Variants in TMEM154 observed in about 807,000 individuals in gnomAD.
The protein encoded by TMEM154 is transmembrane protein 154.
TMEM154 carries 27 observed loss-of-function variants against 24.5 expected under a neutral mutation model. The ratio of observed to expected loss-of-function variants is 1.10; its 90% CI spans 0.81 to 1.52. The LOEUF (loss-of-function observed/expected upper bound fraction) is 1.52. Ranked by LOEUF, TMEM154 falls within the 40% of genes most tolerant of loss-of-function variation. The pLI, the probability that TMEM154 is intolerant of heterozygous loss-of-function variation, is 0.00. For synonymous variants in TMEM154, 67 were observed against 76.8 expected (o/e 0.87, Z 0.67); for missense variants, 228 against 213.4 (o/e 1.07, Z -0.43).
intron 6 of TMEM154, among the ~76,000 whole-genome samples, chr4:152,631,181 T>A (rs1008974577): frequency 6.6e-6 from 1 of 152,210 alleles, no homozygotes; most frequent in Non-Finnish European, 1.5e-5. Context: ...CCCCCTTTCC[T>A]AGAAATTTTT....
intron 1 of TMEM154, among the ~76,000 whole-genome samples, chr4:152,671,763 A>AAG (rs1182678171): frequency 4.0e-5 from 6 of 150,110 alleles, no homozygotes; most frequent in Non-Finnish European, 7.4e-5. Context: ...AAAAAAAAAA[A>AAG]AAAAAGAAAA....
chr4:152,644,281 G>T, intron 4 of TMEM154, 134 bp downstream of exon 4: 1 of 944,364 alleles, frequency 1.1e-6, no homozygotes, highest in Non-Finnish European at 1.7e-6. Flanking sequence ...AGGCTGCCAA[G>T]GATCTCCAAC....
Position 152,618,941 on chromosome 4 carries a change from G to A in TMEM154, c.*9605C>T, listed in dbSNP as rs1751805612. The A allele has an allele frequency of 6.6e-6, 1 of 152,194 alleles. No homozygotes were observed. The highest frequency in any genetic ancestry group is 2.4e-5 in the African/African-American group (1 of 41,444). 9.4% of individuals were successfully genotyped at this position (152,194 alleles called of 1,614,324 possible). On this transcript the variant is annotated 3_prime_UTR_variant, in exon 7 of 7. Transcript: ENST00000304385. Reference sequence around the variant, plus strand: ...GGAAGATGAACAATACCATATTTGAGTTCTGCACTCACTGATGATAAAGAC... The same window carrying A: ...GGAAGATGAACAATACCATATTTGAATTCTGCACTCACTGATGATAAAGAC...
At chr4:152,663,000 C>G (rs375477803) in intron 1 of TMEM154, among the ~76,000 whole-genome samples, 1 of 152,252 alleles carries the variant, frequency 6.6e-6, no homozygotes, top group East Asian at 1.9e-4. Flanking sequence ...ACCCTTGGGG[C>G]CTGGGAAGAA....
rs10670541 is a variant in TMEM154, at chr4:152,671,746, CAAAAAAAAAA to C, written c.64+8114_64+8123del. On this transcript the variant is annotated intron_variant, in intron 1 of 6. Coordinates refer to ENST00000304385, the MANE Select transcript of TMEM154 (RefSeq NM_152680.3). Reference sequence around the variant, plus strand: ...TGGGCGACAGAGCGAGACTCCGTCTCAAAAAAAAAAAAAAAAAAAAAAGAAAAGAAAATAG... The same window carrying C: ...TGGGCGACAGAGCGAGACTCCGTCTCAAAAAAAAAAAAGAAAAGAAAATAG... Among the ~76,000 whole-genome samples the C allele has an allele frequency of 1.3e-4, 9 of 66,742 alleles. No homozygotes were observed. In the South Asian group the frequency reaches 5.9e-3, roughly 44 times the overall value. 43.8% of individuals were successfully genotyped at this position (66,742 alleles called of 152,430 possible). A position where few individuals can be genotyped will look rare whatever the true frequency, so the allele number is the denominator to read the frequency against.
intron 6 of TMEM154, among the ~76,000 whole-genome samples, chr4:152,630,531 A>G (rs1029051010): frequency 3.9e-5 from 6 of 152,166 alleles, no homozygotes; most frequent in Admixed American, 2.0e-4. Flanking sequence ...TCTACAGAAC[A>G]TAAGTCTCTG....
intron 3 of TMEM154, among the ~76,000 whole-genome samples, chr4:152,649,640 C>T (rs72960609): frequency 6.6e-6 from 1 of 152,150 alleles, no homozygotes; most frequent in Non-Finnish European, 1.5e-5. Flanking sequence ...GTGGTGATGA[C>T]CCCAAGGCCT....
At chr4:152,639,551 C>T (rs1157747042) in intron 6 of TMEM154, among the ~76,000 whole-genome samples, 1 of 151,850 alleles carries the variant, frequency 6.6e-6, no homozygotes, top group Non-Finnish European at 1.5e-5. Context: ...TGTTTTCTTC[C>T]ACCTGCTTGT....
At position 152,628,570 on chromosome 4, in the gene TMEM154, AAAAAAAAAAAAAAAAAAAAAAAC is replaced by A. The variant is rs765507052; in HGVS notation, c.537-32_537-10del. 2.3e-5 allele frequency: 24 copies of A among 1,044,558 alleles called. No homozygotes were observed. The highest frequency in any genetic ancestry group is 2.8e-5 in the Non-Finnish European group (22 of 793,104). 64.7% of individuals were successfully genotyped at this position (1,044,558 alleles called of 1,614,324 possible). A position where few individuals can be genotyped will look rare whatever the true frequency, so the allele number is the denominator to read the frequency against. On this transcript the variant is annotated splice_polypyrimidine_tract_variant and intron_variant, in intron 6 of 6. Transcript: ENST00000304385. Reference sequence around the variant, plus strand: ...TTTAGGATTCACTGTCACTGTAAAAAAAAAAAAAAAAAAAAAAAAAAACAAAAAAAACACACACACACACACAA... The same window carrying A: ...TTTAGGATTCACTGTCACTGTAAAAAAAAAAAAACACACACACACACACAA...
rs779966283 is a variant in TMEM154 at position 152,628,604 on chromosome 4, C to T, written c.537-43G>A. The T allele has an allele frequency of 1.1e-5, 12 of 1,068,862 alleles. No homozygotes were observed. The South Asian group carries it at 1.7e-4, about 15-fold the overall frequency. 66.2% of individuals were successfully genotyped at this position (1,068,862 alleles called of 1,614,324 possible). ...AAAAAAAAAAAAAACAAAAAAAACA[C>T]ACACACACACACAAAACAGTAATAT... On this transcript the variant is annotated intron_variant, in intron 6 of 6. Coordinates refer to ENST00000304385, the MANE Select transcript of TMEM154 (RefSeq NM_152680.3).
In TMEM154 at chr4:152,658,030, G is replaced by C. The variant is rs771533480; in HGVS notation, c.65-5103C>G. ...CAATATTTATCATCATGAAAACAAT[G>C]TTAGAACACAAAACAAGCTCAACAC... On this transcript the variant is annotated intron_variant, in intron 1 of 6. Coordinates refer to ENST00000304385, the MANE Select transcript of TMEM154 (RefSeq NM_152680.3). Among the ~76,000 whole-genome samples the C allele has an allele frequency of 2.0e-5, 3 of 152,150 alleles. No individual in the cohort carries two copies. In the South Asian group the frequency reaches 6.2e-4, roughly 32 times the overall value.
At chr4:152,649,290 T>A (rs74956563) in intron 3 of TMEM154, among the ~76,000 whole-genome samples, 1 of 152,228 alleles carries the variant, frequency 6.6e-6, no homozygotes. Context: ...AGGCTTTAAC[T>A]TAAAAATCGA....
At chr4:152,632,739 C>T (rs536357428) in intron 6 of TMEM154, among the ~76,000 whole-genome samples, 7 of 152,090 alleles carry the variant, frequency 4.6e-5, no homozygotes, top group South Asian at 2.1e-4. Context: ...TGTGTGCTAA[C>T]GAGTGGCTTT....
At chr4:152,678,163 G>A (rs879539774) in intron 1 of TMEM154, among the ~76,000 whole-genome samples, 1 of 152,132 alleles carries the variant, frequency 6.6e-6, no homozygotes, top group Non-Finnish European at 1.5e-5. Context: ...CCACTGGGAA[G>A]GAGGTTGCAG....
intron 6 of TMEM154, 44 bp downstream of exon 6, chr4:152,640,883 GC>G (rs757932566): frequency 3.3e-6 from 2 of 609,678 alleles, no homozygotes; most frequent in Admixed American, 4.9e-5. Flanking sequence ...CAATCCCCCC[GC>G]CCCCCGCCAT....
At chr4:152,656,802 T>C (rs1239077067) in intron 1 of TMEM154, among the ~76,000 whole-genome samples, 1 of 151,834 alleles carries the variant, frequency 6.6e-6, no homozygotes, top group Non-Finnish European at 1.5e-5. Flanking sequence ...ATGCCTGTAA[T>C]CCCAGTTACT....
chr4:152,648,702 C>G (rs150327913), intron 3 of TMEM154, among the ~76,000 whole-genome samples: 2,795 of 152,244 alleles, frequency 0.018, 35 homozygotes, highest in Non-Finnish European at 0.032. Context: ...GGCTGGCTCT[C>G]GCTTGTAAAT....
chr4:152,667,203 G>A (rs1049047109), intron 1 of TMEM154, among the ~76,000 whole-genome samples: 2 of 152,214 alleles, frequency 1.3e-5, no homozygotes, highest in African/African-American at 4.8e-5. Flanking sequence ...GAAATTGCCA[G>A]TCACGCTCTC....
At chr4:152,647,624 T>C (rs1391121354) in intron 3 of TMEM154, among the ~76,000 whole-genome samples, 1 of 152,238 alleles carries the variant, frequency 6.6e-6, no homozygotes, top group Non-Finnish European at 1.5e-5. Context: ...ACTTTCCCTC[T>C]GAGCGTAGAT....
Sources: allele counts gnomAD v4.1 joint callset (sites outside exome capture counted in the v4.1 genomes callset), GRCh38; gene constraint gnomAD v4.1.1; transcripts MANE v1.5; gene names NCBI Gene and HGNC (gene_info 2026-07-23, HGNC 2026-07-21).